GPHN: variants seen among roughly 807,000 people sequenced by gnomAD.
The protein encoded by GPHN is gephyrin.
A neutral mutation model predicts 95.5 loss-of-function variants in GPHN; 17 were observed. The observed-to-expected ratio is 0.18, with a 90% CI of 0.12 to 0.27. The LOEUF (loss-of-function observed/expected upper bound fraction) is 0.27, where lower values mean the gene tolerates loss of function less well. Among genes scored for constraint, GPHN ranks in the 10% least tolerant of loss-of-function variants. The pLI, the probability that GPHN is intolerant of heterozygous loss-of-function variation, is 1.00. For synonymous variants in GPHN, 320 were observed against 322.5 expected (o/e 0.99, Z 0.08); for missense variants, 660 against 978.1 (o/e 0.67, Z 4.34).
chr14:67,159,378 T>A, intron 18 of GPHN, 37 bp from the exon 19 acceptor site: 1 of 1,156,352 alleles, frequency 8.6e-7, no homozygotes. Flanking sequence ...AATATTAAAA[T>A]GTTTGAAAGT....
the GPHN span, among the ~76,000 whole-genome samples, chr14:67,424,083 CA>C: frequency 1.3e-5 from 2 of 151,760 alleles, no homozygotes; most frequent in Admixed American, 6.6e-5. Context: ...ACTAAAAATA[CA>C]AAAAAATTAG....
At chr14:66,714,985 G>A (rs923305452) in intron 2 of GPHN, among the ~76,000 whole-genome samples, 1 of 152,152 alleles carries the variant, frequency 6.6e-6, no homozygotes, top group African/African-American at 2.4e-5. Flanking sequence ...GGTGATGTTG[G>A]CTTCATAGAA....
At chr14:67,198,560 A>T in the GPHN span, among the ~76,000 whole-genome samples, 1,047 of 152,346 alleles carry the variant, frequency 6.9e-3, 18 homozygotes, top group African/African-American at 0.024. Flanking sequence ...CATAATTGCC[A>T]TTCCATCATA....
At chr14:66,603,450 A>G (rs2062359090) in intron 1 of GPHN, among the ~76,000 whole-genome samples, 1 of 151,926 alleles carries the variant, frequency 6.6e-6, no homozygotes, top group Non-Finnish European at 1.5e-5. Context: ...ATTTAGTTCA[A>G]AGTCATTTAA....
At chr14:67,688,024 C>T in the GPHN span, among the ~76,000 whole-genome samples, 430 of 152,242 alleles carry the variant, frequency 2.8e-3, 3 homozygotes, top group African/African-American at 9.5e-3. Flanking sequence ...CCACCAGCCT[C>T]GGCCTCCCAA....
chr14:66,706,412 A>G (rs916667792), intron 2 of GPHN, among the ~76,000 whole-genome samples: 1 of 152,182 alleles, frequency 6.6e-6, no homozygotes, highest in African/African-American at 2.4e-5. Context: ...ACTTCAAACT[A>G]TACTACAAGG....
At chr14:66,568,747 T>G (rs1270569527) in intron 1 of GPHN, among the ~76,000 whole-genome samples, 2 of 152,106 alleles carry the variant, frequency 1.3e-5, no homozygotes, top group Non-Finnish European at 2.9e-5. Context: ...TTTCCTACTT[T>G]TTATATTCTC....
intron 2 of GPHN, among the ~76,000 whole-genome samples, chr14:66,705,563 C>T (rs1450404059): frequency 2.0e-5 from 3 of 152,166 alleles, no homozygotes; most frequent in East Asian, 1.9e-4. Flanking sequence ...AAAGACAAAA[C>T]GCACATAATT....
chr14:67,144,270 T>TACATACATATATATATAC (rs1567400926), intron 18 of GPHN, among the ~76,000 whole-genome samples: 1 of 114,142 alleles, frequency 8.8e-6, no homozygotes, highest in African/African-American at 3.6e-5. Flanking sequence ...TATATATATA[T>TACATACATATATATATAC]ATATATATAT....
chr14:66,707,701 G>T (rs890328779), intron 2 of GPHN, among the ~76,000 whole-genome samples: 1 of 151,842 alleles, frequency 6.6e-6, no homozygotes, highest in Non-Finnish European at 1.5e-5. Flanking sequence ...TAAAGGATGG[G>T]TCAATAGGTG....
intron 1 of GPHN, among the ~76,000 whole-genome samples, chr14:66,525,404 A>T (rs2058650917): frequency 6.6e-6 from 1 of 152,132 alleles, no homozygotes; most frequent in African/African-American, 2.4e-5. Context: ...CCTTTGTCAG[A>T]TGAGTAGATT....
the GPHN span, chr14:67,590,187 G>A: frequency 1.9e-6 from 3 of 1,546,032 alleles, no homozygotes; most frequent in Non-Finnish European, 2.6e-6. Context: ...ATTCCAAAGG[G>A]GAGAAATGCG....
At chr14:66,958,634 A>G (rs1247623533) in intron 8 of GPHN, among the ~76,000 whole-genome samples, 7 of 152,166 alleles carry the variant, frequency 4.6e-5, no homozygotes, top group Non-Finnish European at 1.0e-4. Context: ...CATAATGGTA[A>G]GTATTTGTGT....
At chr14:67,366,360 CTG>C in the GPHN span, among the ~76,000 whole-genome samples, 2 of 152,170 alleles carry the variant, frequency 1.3e-5, no homozygotes, top group Non-Finnish European at 2.9e-5. Flanking sequence ...GTGTGAGCCA[CTG>C]TGCTCAGCCT....
At chr14:67,328,880 G>A in the GPHN span, among the ~76,000 whole-genome samples, 3 of 152,160 alleles carry the variant, frequency 2.0e-5, no homozygotes, top group African/African-American at 4.8e-5. Context: ...GGTTACTGTA[G>A]CCTTGTAGTA....
chr14:66,977,543 T>C (rs1458764802), intron 9 of GPHN, among the ~76,000 whole-genome samples: 1 of 152,186 alleles, frequency 6.6e-6, no homozygotes, highest in Non-Finnish European at 1.5e-5. Flanking sequence ...CACAGCATTA[T>C]TTATATTTGT....
At chr14:67,155,938 CA>C (rs2081556198) in intron 18 of GPHN, among the ~76,000 whole-genome samples, 1 of 152,004 alleles carries the variant, frequency 6.6e-6, no homozygotes, top group Non-Finnish European at 1.5e-5. Flanking sequence ...TGATGGAACC[CA>C]GAAAACAATG....
chr14:67,142,975 C>T (rs28410937), intron 17 of GPHN: 10,319 of 304,172 alleles, frequency 0.034, 458 homozygotes, highest in African/African-American at 0.12. Flanking sequence ...ATCTTTCCAA[C>T]ACCTCAGGTA....
At chr14:67,360,263 T>G in the GPHN span, 2 of 399,292 alleles carry the variant, frequency 5.0e-6, no homozygotes, top group Non-Finnish European at 8.8e-6. Flanking sequence ...GGACCCAGAC[T>G]CTATGGTTAA....
Sources: allele counts gnomAD v4.1 joint callset (sites outside exome capture counted in the v4.1 genomes callset), GRCh38; gene constraint gnomAD v4.1.1; transcripts MANE v1.5; gene names NCBI Gene and HGNC (gene_info 2026-07-23, HGNC 2026-07-21).